PRKDC: variants seen among roughly 807,000 people sequenced by gnomAD.
PRKDC encodes DNA-dependent protein kinase catalytic subunit.
Under a neutral mutation model 486.9 loss-of-function variants are expected in PRKDC, and 82 were observed. The observed-to-expected ratio is 0.17, with a 90% CI of 0.14 to 0.20. The LOEUF (loss-of-function observed/expected upper bound fraction) is 0.20, where lower values mean the gene tolerates loss of function less well. Ranked by LOEUF, PRKDC falls within the 10% of genes least tolerant of loss-of-function variation. The pLI is 1.00. For synonymous variants in PRKDC, 1,895 were observed against 1,837.0 expected (o/e 1.03, Z -0.81); for missense variants, 4,504 against 5,038.2 (o/e 0.89, Z 3.21).
chr8:47,866,401 A>C (rs1425786407), intron 40 of PRKDC, among the ~76,000 whole-genome samples: 2 of 152,184 alleles, frequency 1.3e-5, no homozygotes, highest in Non-Finnish European at 2.9e-5. Flanking sequence ...TAACACAGGC[A>C]CCATCCTAGG....
At chr8:47,778,338 T>A (rs1488995072) in intron 83 of PRKDC, 121 bp downstream of exon 83, 1 of 1,096,744 alleles carries the variant, frequency 9.1e-7, no homozygotes, top group East Asian at 2.6e-5. Context: ...TCAATGACCA[T>A]GACAAAACGA....
chr8:47,814,438 A>G (rs1376669625), intron 68 of PRKDC, among the ~76,000 whole-genome samples: 1 of 152,240 alleles, frequency 6.6e-6, no homozygotes, highest in East Asian at 1.9e-4. Flanking sequence ...TCGGCAGATG[A>G]TATGATAGAA....
chr8:47,954,049 T>C (rs1399317070), intron 5 of PRKDC, 130 bp from the exon 6 acceptor site: 1 of 572,356 alleles, frequency 1.7e-6, no homozygotes, highest in African/African-American at 1.9e-5. Flanking sequence ...ATATAAAATA[T>C]AAAGCTTTTA....
chr8:47,827,629 G>A (rs1044075293), intron 62 of PRKDC, among the ~76,000 whole-genome samples: 1 of 152,148 alleles, frequency 6.6e-6, no homozygotes, highest in Non-Finnish European at 1.5e-5. Context: ...ATCTTACACT[G>A]CTTTAACACT....
chr8:47,862,476 A>C lies in PRKDC; in HGVS notation c.5816T>G (p.Leu1939Arg). The C allele has an allele frequency of 6.2e-7, 1 of 1,613,982 alleles. No homozygotes were observed. The highest frequency in any genetic ancestry group is 8.5e-7 in the Non-Finnish European group (1 of 1,179,850). Residue 1939 changes from leucine to arginine, a missense_variant, in exon 43 of 86, where the codon CTT becomes CGT. Leu to Arg is a moderately radical substitution (Grantham distance 102). Coordinates refer to ENST00000314191, the MANE Select transcript of PRKDC (RefSeq NM_006904.7). ...GCAGTTGTATGCTGCACAATGGTAAAGTCTTCTCCTCTCCAGCAGCTGATT... is the reference window on the plus strand; with the variant it reads ...GCAGTTGTATGCTGCACAATGGTAACGTCTTCTCCTCTCCAGCAGCTGATT... The part of the protein sequence containing the change: ...GENQLLERRR[L>R]YHCAAYNCAI...
At chr8:47,905,469 T>C (rs1009460978) in intron 25 of PRKDC, among the ~76,000 whole-genome samples, 3 of 152,204 alleles carry the variant, frequency 2.0e-5, no homozygotes, top group African/African-American at 7.2e-5. Context: ...TCTTTATTCA[T>C]TTGATCTTGA....
chr8:47,805,569 T>C (rs1589709002), intron 69 of PRKDC, among the ~76,000 whole-genome samples: 1 of 152,348 alleles, frequency 6.6e-6, no homozygotes, highest in South Asian at 2.1e-4. Context: ...AAATAGTTTC[T>C]CCCATTACAT....
Position 47,819,525 on chromosome 8 carries a change from A to G in PRKDC, c.9337-15T>C. 7.3e-7 allele frequency: 1 copy of G among 1,373,418 alleles called. No individual in the cohort carries two copies. The highest frequency in any genetic ancestry group is 1.5e-5 in the South Asian group (1 of 67,366). The allele number at this position is 1,373,418 out of a possible 1,614,324, so 85.1% of individuals were successfully genotyped here. A position where few individuals can be genotyped will look rare whatever the true frequency, so the allele number is the denominator to read the frequency against. On this transcript the variant is annotated splice_polypyrimidine_tract_variant and intron_variant, in intron 66 of 85. Coordinates refer to ENST00000314191, the MANE Select transcript of PRKDC (RefSeq NM_006904.7). The stretch of plus-strand genomic sequence containing the variant: ...CTAGAATAATTCTTAAAAAAAAAAA[A>G]AAAAAAAAAGGGCATTTACAAATGC...
intron 68 of PRKDC, among the ~76,000 whole-genome samples, chr8:47,810,895 C>CA (rs2087311454): frequency 6.6e-6 from 1 of 151,678 alleles, no homozygotes; most frequent in Non-Finnish European, 1.5e-5. Context: ...GAATAAACAA[C>CA]AAAAAAAGAC....
rs1481026796 is a variant in PRKDC at position 47,957,129 on chromosome 8, T to C, written c.324+42A>G. 5 of 1,289,040 alleles carry C rather than the reference T, an allele frequency of 3.9e-6. No individual in the cohort carries two copies. In the Admixed American group the frequency reaches 1.1e-4, roughly 28 times the overall value. 79.9% of individuals were successfully genotyped at this position (1,289,040 alleles called of 1,614,324 possible). ...TCCTCACACCATAAGTTAAAACAGA[T>C]GTTGATATATAATGTAATAAGGTAT... On this transcript the variant is annotated intron_variant, in intron 3 of 85. Transcript: ENST00000314191.
In PRKDC at chr8:47,934,056, G is replaced by A. The variant is rs2154503709; in HGVS notation, c.1532C>T (p.Ser511Leu). 1.2e-6 allele frequency: 2 copies of A among 1,613,734 alleles called. No individual in the cohort carries two copies. The highest frequency in any genetic ancestry group is 2.2e-5 in the South Asian group (2 of 91,060). ...CCATTTGCCAGTTCTGACTTCCCCT[G>A]AAGCACGGTGGTCTTCAGATTCAGA... The part of the protein sequence containing the change: ...PESESEDHRA[S>L]GEVRTGKWKV... The change falls in exon 15 of 86, where the codon TCA (serine) becomes TTA (leucine). Residue 511 changes from serine to leucine, a missense_variant. Physicochemically the swap from Ser to Leu is moderately radical, Grantham distance 145. Transcript: ENST00000314191.
intron 21 of PRKDC, among the ~76,000 whole-genome samples, chr8:47,922,654 T>C (rs1317496870): frequency 1.3e-5 from 2 of 152,070 alleles, no homozygotes; most frequent in African/African-American, 4.8e-5. Context: ...CATAAAACAG[T>C]GAATCTCAGA....
At chr8:47,907,468 T>C (rs1484827032) in intron 25 of PRKDC, among the ~76,000 whole-genome samples, 1 of 149,562 alleles carries the variant, frequency 6.7e-6, no homozygotes, top group Non-Finnish European at 1.5e-5. Flanking sequence ...TAGAAAATCA[T>C]CCCTCTACAA....
Position 47,821,681 on chromosome 8 carries a change from C to T in PRKDC, c.9034G>A (p.Glu3012Lys). Residue 3012 changes from glutamate to lysine, a missense_variant, in exon 65 of 86, where the codon GAA becomes AAA. Glu to Lys is a moderately conservative substitution (Grantham distance 56). Transcript: ENST00000314191. Reference protein sequence around the residue: ...YNHLAEWKSLEYCSTASIDSE... With the variant: ...YNHLAEWKSLKYCSTASIDSE... ...TCTATACTGGCTGTAGAACAGTATTCAAGTGATTTCCACTCAGCAAGGTGG... is the reference window on the plus strand; with the variant it reads ...TCTATACTGGCTGTAGAACAGTATTTAAGTGATTTCCACTCAGCAAGGTGG... The T allele has an allele frequency of 6.2e-7, 1 of 1,602,004 alleles. No individual in the cohort carries two copies. Among genetic ancestry groups the T allele is most frequent in the Non-Finnish European group, 8.5e-7 (1 of 1,173,618 alleles).
intron 39 of PRKDC, among the ~76,000 whole-genome samples, chr8:47,878,327 G>C (rs8178118): frequency 0.012 from 1,753 of 152,134 alleles, 34 homozygotes; most frequent in East Asian, 0.083. Flanking sequence ...GGATGGTCTC[G>C]ATCTCCTGAC....
At chr8:47,800,098 C>T (rs1173194320) in intron 71 of PRKDC, among the ~76,000 whole-genome samples, 2 of 152,104 alleles carry the variant, frequency 1.3e-5, no homozygotes, top group Non-Finnish European at 2.9e-5. Context: ...GCGTGCCATC[C>T]CATTACTGGG....
rs11311765 is a variant in PRKDC at position 47,819,513 on chromosome 8, T to TA, written c.9337-4dup. Reference sequence around the variant, plus strand: ...AGGACATCAATACTAGAATAATTCTTAAAAAAAAAAAAAAAAAAAAAGGGC... The same window carrying TA: ...AGGACATCAATACTAGAATAATTCTTAAAAAAAAAAAAAAAAAAAAAAGGGC... On this transcript the variant is annotated splice_region_variant and splice_polypyrimidine_tract_variant and intron_variant, in intron 66 of 85. Coordinates refer to ENST00000314191, the MANE Select transcript of PRKDC (RefSeq NM_006904.7). 63,304 of 542,214 alleles carry TA rather than the reference T, an allele frequency of 0.12. 53 individuals are homozygous for TA. Among genetic ancestry groups the TA allele is most frequent in the East Asian group, 0.13 (3,279 of 25,954 alleles). 33.6% of individuals were successfully genotyped at this position (542,214 alleles called of 1,614,324 possible). A position where few individuals can be genotyped will look rare whatever the true frequency, so the allele number is the denominator to read the frequency against.
At chr8:47,934,858 A>T in intron 14 of PRKDC, 151 bp downstream of exon 14, 3 of 534,714 alleles carry the variant, frequency 5.6e-6, no homozygotes, top group Middle Eastern at 7.9e-4. Context: ...ATATAGAGGT[A>T]TTATGTCCTA....
chr8:47,779,538 G>A (rs947643976), intron 80 of PRKDC, among the ~76,000 whole-genome samples: 1 of 152,186 alleles, frequency 6.6e-6, no homozygotes, highest in Non-Finnish European at 1.5e-5. Context: ...GCACAGTTTT[G>A]CTAAAGATGG....
Sources: allele counts gnomAD v4.1 joint callset (sites outside exome capture counted in the v4.1 genomes callset), GRCh38; gene constraint gnomAD v4.1.1; transcripts MANE v1.5; gene names NCBI Gene and HGNC (gene_info 2026-07-23, HGNC 2026-07-21).